RIPK2: variants seen among roughly 807,000 people sequenced by gnomAD.
RIPK2 encodes the protein receptor-interacting serine/threonine-protein kinase 2.
In RIPK2, 38 loss-of-function variants were observed where a neutral mutation model predicts 60.9. The ratio of observed to expected loss-of-function variants is 0.62; its 90% confidence interval spans 0.48 to 0.82. RIPK2 has a LOEUF of 0.82. Ranked by LOEUF, RIPK2 falls within the 40% of genes least tolerant of loss-of-function variation. The pLI is 0.00. For missense variants in RIPK2, 518 were observed against 647.0 expected (o/e 0.80, Z 2.16); for synonymous variants, 225 against 223.4 (o/e 1.01, Z -0.06).
At chr8:89,782,031 C>A (rs1034407982) in intron 7 of RIPK2, among the ~76,000 whole-genome samples, 2 of 152,124 alleles carry the variant, frequency 1.3e-5, no homozygotes, top group Non-Finnish European at 2.9e-5. Flanking sequence ...TGGCACATGC[C>A]TGTAGTCGTA....
chr8:89,778,277 G>T (rs1006937589), intron 6 of RIPK2, among the ~76,000 whole-genome samples: 3 of 151,734 alleles, frequency 2.0e-5, no homozygotes, highest in African/African-American at 7.3e-5. Context: ...GTAGCAGAGA[G>T]GAATCATATA....
rs965877818 is a variant in RIPK2 at position 89,765,429 on chromosome 8, C to T, written c.416C>T (p.Thr139Ile). The change falls in exon 3 of 11, where the codon ACT (threonine) becomes ATT (isoleucine). Residue 139 changes from threonine to isoleucine, a missense_variant. By Grantham distance (89) the Thr-to-Ile change is moderately conservative (BLOSUM62 -1). Around this residue, in one of 3 missense-constraint regions of RIPK2, gnomAD observed 448 missense variants for 534.7 expected, o/e 0.84. Coordinates refer to ENST00000220751, the MANE Select transcript of RIPK2 (RefSeq NM_003821.6). ...GGTGTAAATTACCTGCACAATATGA[C>T]TCCTCCTTTACTTCATCATGACTTG... ...ALGVNYLHNM[T>I]PPLLHHDLKT... The T allele has an allele frequency of 6.2e-7, 1 of 1,600,384 alleles. No individual in the cohort carries two copies. Among genetic ancestry groups the T allele is most frequent in the African/African-American group, 1.3e-5 (1 of 74,538 alleles).
At chr8:89,772,155 ATTAT>A (rs1447069170) in intron 5 of RIPK2, among the ~76,000 whole-genome samples, 1 of 151,860 alleles carries the variant, frequency 6.6e-6, no homozygotes, top group Non-Finnish European at 1.5e-5. Context: ...TAGCTGTAAA[ATTAT>A]TTATATGATA....
At chr8:89,777,353 A>G (rs1288379846) in intron 6 of RIPK2, among the ~76,000 whole-genome samples, 1 of 152,236 alleles carries the variant, frequency 6.6e-6, no homozygotes, top group Non-Finnish European at 1.5e-5. Flanking sequence ...CAACAGAGAT[A>G]TATACCCTTC....
chr8:89,786,668 G>A lies in RIPK2; in HGVS notation c.1105G>A (p.Asp369Asn), dbSNP rs1436458833. The change falls in exon 9 of 11, where the codon GAC becomes AAC. Residue 369 changes from aspartate to asparagine, a missense_variant. This residue lies in a region of RIPK2 where 448 missense variants were observed against 534.7 expected (regional missense o/e 0.84). Coordinates refer to ENST00000220751, the MANE Select transcript of RIPK2 (RefSeq NM_003821.6). ...TTCAAGGTCCCTGCCAGCTCCTCAA[G>A]ACAATGATTTTTTATCTAGTATGTA... ...ETSRSLPAPQ[D>N]NDFLSRKAQD... 1 of 1,581,322 alleles carries A rather than the reference G, an allele frequency of 6.3e-7. No individual in the cohort carries two copies. Among genetic ancestry groups the A allele is most frequent in the South Asian group, 1.1e-5 (1 of 89,058 alleles).
At chr8:89,758,604 G>A (rs1016153472) in intron 1 of RIPK2, among the ~76,000 whole-genome samples, 2 of 152,126 alleles carry the variant, frequency 1.3e-5, no homozygotes, top group African/African-American at 2.4e-5. Context: ...GTGGGTGTGG[G>A]TTTTGTTTGC....
intron 3 of RIPK2, among the ~76,000 whole-genome samples, chr8:89,769,085 T>A (rs1270688671): frequency 1.3e-5 from 2 of 151,842 alleles, no homozygotes; most frequent in Non-Finnish European, 2.9e-5. Flanking sequence ...TACTGTATAA[T>A]ATGTGCATAA....
rs777773580 is a variant in RIPK2 at position 89,769,831 on chromosome 8, C to T, written c.543C>T (p.Ser181=). The T allele has an allele frequency of 1.2e-6, 2 of 1,609,360 alleles. No individual in the cohort carries two copies. The highest frequency in any genetic ancestry group is 1.1e-5 in the South Asian group (1 of 90,618). ...RMMSLSQSRS[S]KSAPEGGTII... ...TGTCCCTCTCACAGTCACGAAGTAG[C>T]AAATCTGCACCAGAAGGAGGGACAA... Residue 181 remains serine, a synonymous_variant, in exon 4 of 11, where the codon AGC becomes AGT. Transcript: ENST00000220751.
chr8:89,779,274 A>C (rs2130573025), intron 6 of RIPK2, among the ~76,000 whole-genome samples: 1 of 146,562 alleles, frequency 6.8e-6, no homozygotes, highest in Middle Eastern at 3.5e-3. Flanking sequence ...AAAAGTGTTC[A>C]AATTTTTTGA....
At chr8:89,778,855 A>C (rs775028259) in intron 6 of RIPK2, among the ~76,000 whole-genome samples, 5 of 152,132 alleles carry the variant, frequency 3.3e-5, no homozygotes, top group Non-Finnish European at 7.3e-5. Flanking sequence ...TTATATGATA[A>C]ATTTATCTTT....
Position 89,784,138 on chromosome 8 carries a change from AGGT to A in RIPK2, c.1029_1029+2del. ...ATACCTGTAAATCATGGTCCACAAGAGGTAAAAAAAAAAAAAAAAAAAAAAAGG... is the reference window on the plus strand; with the variant it reads ...ATACCTGTAAATCATGGTCCACAAGAAAAAAAAAAAAAAAAAAAAAAAAGG... On this transcript the variant is annotated splice_donor_variant and coding_sequence_variant, in exon 8 of 11. Coordinates refer to ENST00000220751, the MANE Select transcript of RIPK2 (RefSeq NM_003821.6). LOFTEE classifies it high-confidence loss of function. 2.1e-6 allele frequency: 2 copies of A among 966,866 alleles called. No individual in the cohort carries two copies. The highest frequency in any genetic ancestry group is 1.8e-5 in the South Asian group (1 of 55,142). 59.9% of individuals were successfully genotyped at this position (966,866 alleles called of 1,614,324 possible).
At chr8:89,772,619 C>T (rs757993368) in intron 5 of RIPK2, 48 bp from the exon 6 acceptor site, 13 of 1,346,460 alleles carry the variant, frequency 9.7e-6, no homozygotes, top group Non-Finnish European at 1.3e-5. Context: ...AAGTAATATG[C>T]TTAATCATAA....
chr8:89,790,085 T>G lies in RIPK2; in HGVS notation c.1292T>G (p.Leu431Arg). The change falls in exon 11 of 11, where the codon CTG becomes CGG. Residue 431 changes from leucine to arginine, a missense_variant. By Grantham distance (102) the Leu-to-Arg change is moderately radical. Transcript: ENST00000220751. ...PLSTAGNSER[L>R]QPGIAQQWIQ... is the part of the protein sequence containing the mutation. ...ATTCCTTGTTCTTTTTCAGAACGTC[T>G]GCAGCCTGGTATAGCCCAGCAGTGG... 6 of 1,608,202 alleles carry G rather than the reference T, an allele frequency of 3.7e-6. No individual in the cohort carries two copies. Among genetic ancestry groups the G allele is most frequent in the Non-Finnish European group, 5.1e-6 (6 of 1,177,298 alleles).
intron 6 of RIPK2, among the ~76,000 whole-genome samples, chr8:89,774,103 G>GA (rs907699631): frequency 3.1e-3 from 444 of 143,836 alleles, no homozygotes; most frequent in Non-Finnish European, 4.5e-3. Context: ...TTCCAAGAAG[G>GA]AAAAAAAAAA....
Position 89,790,424 on chromosome 8 carries a change from T to C in RIPK2, c.*8T>C. On this transcript the variant is annotated 3_prime_UTR_variant, in exon 11 of 11. Transcript: ENST00000220751. ...CAAAATAAAAGCATGTAAGTGACTG[T>C]TTTTCAAGAAGAAATGTGTTTCATA... The C allele has an allele frequency of 6.5e-7, 1 of 1,537,636 alleles. No individual in the cohort carries two copies. Among genetic ancestry groups the C allele is most frequent in the Non-Finnish European group, 8.8e-7 (1 of 1,135,838 alleles).
chr8:89,781,649 A>G (rs1292946753), intron 7 of RIPK2, among the ~76,000 whole-genome samples: 2 of 152,160 alleles, frequency 1.3e-5, no homozygotes, highest in Admixed American at 6.5e-5. Flanking sequence ...TGTAGATAAG[A>G]TAACTAAGGT....
rs200799692 is a variant in RIPK2 at position 89,790,564 on chromosome 8, A to G, written c.*148A>G. ...TAGTCTCCCTCCATGACACTGCAGTATTTTTTTTAATTAATACAAGTAAAA... is the reference window on the plus strand; with the variant it reads ...TAGTCTCCCTCCATGACACTGCAGTGTTTTTTTTAATTAATACAAGTAAAA... On this transcript the variant is annotated 3_prime_UTR_variant, in exon 11 of 11. Transcript: ENST00000220751. 2.0e-5 allele frequency: 11 copies of G among 539,452 alleles called. No individual in the cohort carries two copies. The highest frequency in any genetic ancestry group is 3.5e-5 in the Non-Finnish European group (11 of 316,584). 33.4% of individuals were successfully genotyped at this position (539,452 alleles called of 1,614,324 possible).
rs1033256663 is a variant in RIPK2 at position 89,774,104 on chromosome 8, A to T, written c.853+1276A>T. Among the ~76,000 whole-genome samples, 7 of 148,080 alleles carry T rather than the reference A, an allele frequency of 4.7e-5. No individual in the cohort carries two copies. In the Admixed American group the frequency reaches 4.7e-4, roughly 10 times the overall value. ...TAGCAAGACCTCATTTCCAAGAAGGAAAAAAAAAAGCAGAGCCACAGACTG... is the reference window on the plus strand; with the variant it reads ...TAGCAAGACCTCATTTCCAAGAAGGTAAAAAAAAAGCAGAGCCACAGACTG... On this transcript the variant is annotated intron_variant, in intron 6 of 10. Transcript: ENST00000220751.
intron 8 of RIPK2, 97 bp downstream of exon 8, chr8:89,784,236 GAAA>G: frequency 1.4e-6 from 1 of 700,706 alleles, no homozygotes; most frequent in Non-Finnish European, 2.2e-6. Flanking sequence ...TTTATAGAAG[GAAA>G]ACTAAAGCCC....
Sources: gnomAD v4.1 joint callset for allele counts (sites outside exome capture counted in the v4.1 genomes callset) on GRCh38, gnomAD v4.1.1 for gene constraint, gnomAD v4.1.1 regional missense constraint, MANE v1.5 for transcripts, NCBI Gene and HGNC (gene_info 2026-07-23, HGNC 2026-07-21) for gene names.